The following ANKS1B variants were observed in gnomAD, a reference collection of about 807,000 sequenced individuals.
The protein encoded by ANKS1B is ankyrin repeat and sterile alpha motif domain containing 1B.
In ANKS1B, 36 loss-of-function variants were observed where a neutral mutation model predicts 148.3. The observed-to-expected ratio is 0.24, with a 90% CI of 0.19 to 0.32. ANKS1B has a LOEUF of 0.32. ANKS1B is among the 10% of genes least tolerant of loss of function. The pLI, the probability that ANKS1B is intolerant of heterozygous loss-of-function variation, is 1.00. For synonymous variants in ANKS1B, 542 were observed against 560.8 expected (o/e 0.97, Z 0.47); for missense variants, 1,157 against 1,542.6 (o/e 0.75, Z 4.19).
At chr12:99,707,630 G>A (rs1304818843) in intron 8 of ANKS1B, among the ~76,000 whole-genome samples, 17 of 151,962 alleles carry the variant, frequency 1.1e-4, no homozygotes, top group Non-Finnish European at 2.2e-4. Flanking sequence ...AGAATAAAAG[G>A]TGATATGTGG....
At chr12:99,312,186 C>A (rs931512658) in intron 12 of ANKS1B, among the ~76,000 whole-genome samples, 7 of 152,092 alleles carry the variant, frequency 4.6e-5, no homozygotes, top group African/African-American at 1.7e-4. Context: ...GCACAAAGGG[C>A]TATATGTTAG....
At chr12:99,973,672 T>A (rs772300964) in intron 1 of ANKS1B, among the ~76,000 whole-genome samples, 1 of 152,198 alleles carries the variant, frequency 6.6e-6, no homozygotes, top group Non-Finnish European at 1.5e-5. Context: ...TTATGACTGA[T>A]TTTGAGGGAT....
intron 17 of ANKS1B, among the ~76,000 whole-genome samples, chr12:98,980,494 C>G (rs1424314863): frequency 6.6e-6 from 1 of 152,224 alleles, no homozygotes; most frequent in Non-Finnish European, 1.5e-5. Flanking sequence ...GTGTGAGCCA[C>G]CGCGCCCGGC....
Position 99,812,361 on chromosome 12 carries a change from G to A in ANKS1B, c.216-50C>T, listed in dbSNP as rs772840342. On this transcript the variant is annotated intron_variant, in intron 2 of 26. Coordinates refer to ENST00000683438, the MANE Select transcript of ANKS1B (RefSeq NM_001352186.2). ...CAAAATAGGCTGAGCAAGACAAACTGTATTAAATAGGTAATTTTAAAAGAA... is the reference window on the plus strand; with the variant it reads ...CAAAATAGGCTGAGCAAGACAAACTATATTAAATAGGTAATTTTAAAAGAA... 5.9e-6 allele frequency: 9 copies of A among 1,532,074 alleles called. No individual in the cohort carries two copies. In the African/African-American group the frequency reaches 1.2e-4, roughly 21 times the overall value. 94.9% of individuals were successfully genotyped at this position (1,532,074 alleles called of 1,614,324 possible). A position where few individuals can be genotyped will look rare whatever the true frequency, so the allele number is the denominator to read the frequency against.
intron 8 of ANKS1B, among the ~76,000 whole-genome samples, chr12:99,699,518 A>T (rs958585615): frequency 3.3e-5 from 5 of 152,190 alleles, no homozygotes; most frequent in Non-Finnish European, 7.4e-5. Context: ...CATTATGCAC[A>T]GTGGTTGCAC....
chr12:99,810,929 T>C (rs2068274970), intron 3 of ANKS1B, among the ~76,000 whole-genome samples: 3 of 152,050 alleles, frequency 2.0e-5, no homozygotes, highest in South Asian at 4.1e-4. Flanking sequence ...GTTGGTTTTC[T>C]GTGGAAGAGA....
chr12:99,751,405 T>A (rs901113430), intron 8 of ANKS1B, among the ~76,000 whole-genome samples: 2 of 152,012 alleles, frequency 1.3e-5, no homozygotes, highest in African/African-American at 4.8e-5. Flanking sequence ...TAAAATAACA[T>A]TAAAATATTT....
intron 17 of ANKS1B, among the ~76,000 whole-genome samples, chr12:99,038,995 T>C (rs2099957237): frequency 6.6e-6 from 1 of 152,250 alleles, no homozygotes; most frequent in Non-Finnish European, 1.5e-5. Flanking sequence ...AGCTCTAGAA[T>C]GTAAGTTCCA....
chr12:99,502,018 C>T (rs2152998651), intron 10 of ANKS1B, among the ~76,000 whole-genome samples: 1 of 152,016 alleles, frequency 6.6e-6, no homozygotes, highest in Non-Finnish European at 1.5e-5. Context: ...TATCTGTGTC[C>T]ATGTCATTTT....
chr12:99,737,986 T>A (rs1271459079), intron 8 of ANKS1B, among the ~76,000 whole-genome samples: 1 of 152,156 alleles, frequency 6.6e-6, no homozygotes, highest in Non-Finnish European at 1.5e-5. Context: ...GCTCATTTAT[T>A]GAAAAACTGC....
chr12:99,695,574 T>C (rs539691824), intron 8 of ANKS1B, among the ~76,000 whole-genome samples: 31 of 152,286 alleles, frequency 2.0e-4, no homozygotes, highest in Non-Finnish European at 3.8e-4. Context: ...AAGATTCAGA[T>C]TTTTTTAAAG....
At chr12:98,950,209 C>T (rs1292310434) in intron 17 of ANKS1B, among the ~76,000 whole-genome samples, 1 of 152,126 alleles carries the variant, frequency 6.6e-6, no homozygotes, top group Non-Finnish European at 1.5e-5. Context: ...TAAGAAACAG[C>T]AAAGTGGTTG....
downstream of ANKS1B, among the ~76,000 whole-genome samples, chr12:98,740,669 T>C (rs2097793965): frequency 6.6e-6 from 1 of 152,204 alleles, no homozygotes; most frequent in Non-Finnish European, 1.5e-5. Flanking sequence ...CACCGCAATA[T>C]CCAATCTCCC....
chr12:99,517,515 C>T (rs921804621), intron 9 of ANKS1B, among the ~76,000 whole-genome samples: 89 of 149,322 alleles, frequency 6.0e-4, no homozygotes, highest in African/African-American at 2.0e-3. Context: ...GTAAGGAGTT[C>T]GAGACTAGCC....
chr12:99,210,114 C>T (rs544542540), intron 14 of ANKS1B, among the ~76,000 whole-genome samples: 9 of 152,298 alleles, frequency 5.9e-5, no homozygotes, highest in South Asian at 2.1e-4. Context: ...TGTTGAGCTA[C>T]TTTTCGTGTT....
chr12:98,987,629 G>T (rs2153261956), intron 17 of ANKS1B, among the ~76,000 whole-genome samples: 1 of 152,208 alleles, frequency 6.6e-6, no homozygotes, highest in East Asian at 1.9e-4. Context: ...AGTTATAATG[G>T]TCTAGGTCTG....
intron 8 of ANKS1B, among the ~76,000 whole-genome samples, chr12:99,726,820 C>T (rs2058665381): frequency 6.6e-6 from 1 of 152,174 alleles, no homozygotes; most frequent in Admixed American, 6.5e-5. Flanking sequence ...CCCTGGGATG[C>T]AAGGCTAGTT....
chr12:99,328,809 T>C (rs991611776), intron 12 of ANKS1B, among the ~76,000 whole-genome samples: 2 of 151,936 alleles, frequency 1.3e-5, no homozygotes, highest in Non-Finnish European at 2.9e-5. Context: ...GATGTTAGAA[T>C]TGGCATATGA....
intron 10 of ANKS1B, among the ~76,000 whole-genome samples, chr12:99,474,472 C>T (rs529628994): frequency 2.0e-4 from 31 of 151,910 alleles, no homozygotes; most frequent in African/African-American, 4.8e-4. Context: ...GTAGAATTAT[C>T]CCCAATAAAA....
Sources: allele counts gnomAD v4.1 joint callset (sites outside exome capture counted in the v4.1 genomes callset), GRCh38; gene constraint gnomAD v4.1.1; transcripts MANE v1.5; gene names NCBI Gene and HGNC (gene_info 2026-07-23, HGNC 2026-07-21).